The following XPR1 variants were observed in gnomAD, a reference collection of about 807,000 sequenced individuals.
XPR1 encodes the protein solute carrier family 53 member 1.
XPR1 carries 28 observed loss-of-function variants against 87.5 expected under a neutral mutation model. The ratio of observed to expected loss-of-function variants is 0.32; its 90% confidence interval spans 0.24 to 0.44. XPR1 has a LOEUF of 0.44. XPR1 is among the 20% of genes least tolerant of loss of function. The pLI, the probability that XPR1 is intolerant of heterozygous loss-of-function variation, is 1.00. For missense variants in XPR1, 559 were observed against 862.3 expected (o/e 0.65, Z 4.41); for synonymous variants, 300 against 306.1 (o/e 0.98, Z 0.21).
intron 2 of XPR1, among the ~76,000 whole-genome samples, chr1:180,712,837 A>T (rs1412460986): frequency 6.6e-6 from 1 of 152,024 alleles, no homozygotes; most frequent in African/African-American, 2.4e-5. Flanking sequence ...TAAAAATAAA[A>T]AAATAAATCA....
intron 3 of XPR1, among the ~76,000 whole-genome samples, chr1:180,793,212 AG>A (rs1440279318): frequency 6.6e-6 from 1 of 152,142 alleles, no homozygotes; most frequent in African/African-American, 2.4e-5. Flanking sequence ...AAGACCGATT[AG>A]ATAATAGTTA....
chr1:180,646,725 G>A (rs1431719030), intron 1 of XPR1, among the ~76,000 whole-genome samples: 1 of 152,104 alleles, frequency 6.6e-6, no homozygotes, highest in Non-Finnish European at 1.5e-5. Context: ...TGGGCTTACC[G>A]AAACTGTGAC....
intron 4 of XPR1, 31 bp downstream of exon 4, chr1:180,803,642 C>T (rs780680930): frequency 1.2e-5 from 18 of 1,559,032 alleles, no homozygotes; most frequent in South Asian, 4.6e-5. Context: ...GAAAATGGCA[C>T]CTTTAAGTAA....
At chr1:180,781,105 G>A (rs958136303) in intron 2 of XPR1, among the ~76,000 whole-genome samples, 1 of 151,002 alleles carries the variant, frequency 6.6e-6, no homozygotes, top group African/African-American at 2.4e-5. Context: ...CTTAATTTTT[G>A]TATCCGTGTG....
intron 2 of XPR1, among the ~76,000 whole-genome samples, chr1:180,772,828 T>G (rs1648571054): frequency 6.6e-6 from 1 of 152,192 alleles, no homozygotes; most frequent in Admixed American, 6.5e-5. Flanking sequence ...ACCTCTTTCT[T>G]TTGTAAATTG....
intron 2 of XPR1, among the ~76,000 whole-genome samples, chr1:180,708,671 A>C (rs930522035): frequency 6.6e-6 from 1 of 152,058 alleles, no homozygotes; most frequent in African/African-American, 2.4e-5. Context: ...GTGACTCTGC[A>C]TATGACTTTC....
At chr1:180,680,921 C>T (rs970948173) in intron 1 of XPR1, among the ~76,000 whole-genome samples, 8 of 152,116 alleles carry the variant, frequency 5.3e-5, no homozygotes, top group African/African-American at 1.9e-4. Context: ...ATGAATGGAA[C>T]TAGAAGACAT....
At position 180,880,065 on chromosome 1, in the gene XPR1, A is replaced by G. The variant is rs775003966; in HGVS notation, c.1809-11A>G. The G allele has an allele frequency of 6.2e-6, 10 of 1,614,126 alleles. No homozygotes were observed. In the East Asian group the frequency reaches 8.9e-5, roughly 14 times the overall value. ...TTTCATAAGTACTTTGATCTACCCC[A>G]TTTTGCTAAGGCGATTTGTGTGGAA... On this transcript the variant is annotated splice_polypyrimidine_tract_variant and intron_variant, in intron 13 of 14. Coordinates refer to ENST00000367590, the MANE Select transcript of XPR1 (RefSeq NM_004736.4).
intron 2 of XPR1, among the ~76,000 whole-genome samples, chr1:180,682,793 A>T (rs1656621510): frequency 6.6e-6 from 1 of 151,788 alleles, no homozygotes; most frequent in South Asian, 2.1e-4. Flanking sequence ...GGGACCAGTA[A>T]AACAATGGAG....
Position 180,648,186 on chromosome 1 carries a change from C to T in XPR1, c.69+15916C>T, listed in dbSNP as rs79853282. 7.4e-3 allele frequency among the ~76,000 whole-genome samples: 1,128 copies of T among 152,228 alleles called. 12 individuals carry two copies. Among genetic ancestry groups the T allele is most frequent in the Non-Finnish European group, 9.5e-3 (646 of 68,010 alleles). ...AGGACAAATTATTGTAATTCAGTTT[C>T]CTTTCATTGCTGTGTGTATGTATAT... is the stretch of plus-strand genomic sequence containing the variant. On this transcript the variant is annotated intron_variant, in intron 1 of 14. Coordinates refer to ENST00000367590, the MANE Select transcript of XPR1 (RefSeq NM_004736.4).
chr1:180,794,127 G>A (rs1314823387), intron 3 of XPR1, among the ~76,000 whole-genome samples: 4 of 152,120 alleles, frequency 2.6e-5, no homozygotes, highest in African/African-American at 9.7e-5. Flanking sequence ...TTCATTTTGG[G>A]AACATCATGT....
intron 2 of XPR1, among the ~76,000 whole-genome samples, chr1:180,739,568 A>G (rs1352213683): frequency 6.6e-6 from 1 of 152,202 alleles, no homozygotes; most frequent in Non-Finnish European, 1.5e-5. Flanking sequence ...GATTATGGAA[A>G]GTGTCTCCAT....
rs1650167908 is a variant in XPR1, at chr1:180,810,486, G to A, written c.682-921G>A. Among the ~76,000 whole-genome samples, 5 of 151,972 alleles carry A rather than the reference G, an allele frequency of 3.3e-5. No individual in the cohort carries two copies. The South Asian group carries it at 1.0e-3, about 32-fold the overall frequency. On this transcript the variant is annotated intron_variant, in intron 6 of 14. Transcript: ENST00000367590. Reference sequence around the variant, plus strand: ...TCCCAGCTACTCTGGAGGCTGAAGTGGGGAATCACTTGAGTCTGGGAAGTT... The same window carrying A: ...TCCCAGCTACTCTGGAGGCTGAAGTAGGGAATCACTTGAGTCTGGGAAGTT...
intron 1 of XPR1, among the ~76,000 whole-genome samples, chr1:180,637,911 T>A (rs1006460091): frequency 1.3e-5 from 2 of 152,224 alleles, no homozygotes; most frequent in Non-Finnish European, 2.9e-5. Context: ...TGAACTTGAC[T>A]GTAAGTGTAT....
chr1:180,674,375 C>T (rs1245380830), intron 1 of XPR1, among the ~76,000 whole-genome samples: 1 of 152,208 alleles, frequency 6.6e-6, no homozygotes, highest in Non-Finnish European at 1.5e-5. Context: ...TCTCCTGCCT[C>T]AGCCTCCTGA....
intron 2 of XPR1, among the ~76,000 whole-genome samples, chr1:180,762,709 T>C (rs578088156): frequency 1.3e-5 from 2 of 152,350 alleles, no homozygotes; most frequent in East Asian, 3.9e-4. Flanking sequence ...AAGTCTATAA[T>C]GCTAATGAAA....
chr1:180,741,359 T>C (rs1658917583), intron 2 of XPR1, among the ~76,000 whole-genome samples: 1 of 152,000 alleles, frequency 6.6e-6, no homozygotes, highest in Non-Finnish European at 1.5e-5. Flanking sequence ...AGAGATGGGG[T>C]TTCACCATGT....
At chr1:180,817,488 A>G (rs1650453081) in intron 7 of XPR1, among the ~76,000 whole-genome samples, 2 of 152,290 alleles carry the variant, frequency 1.3e-5, no homozygotes, top group South Asian at 2.1e-4. Flanking sequence ...ATCTTTTATA[A>G]TGTATTTTTA....
At position 180,886,339 on chromosome 1, in the gene XPR1, T is replaced by C. The variant is rs1653011181; in HGVS notation, c.*2273T>C. 6.6e-6 allele frequency: 1 copy of C among 152,264 alleles called. No individual in the cohort carries two copies. Among genetic ancestry groups the C allele is most frequent in the Non-Finnish European group, 1.5e-5 (1 of 68,044 alleles). The allele number at this position is 152,264 out of a possible 1,614,324, so 9.4% of individuals were successfully genotyped here. A position where few individuals can be genotyped will look rare whatever the true frequency, so the allele number is the denominator to read the frequency against. Reference sequence around the variant, plus strand: ...ATATAAATAAAATTGGTGGTACTAATGTGTATCCAGAGACATTTGAATTAT... The same window carrying C: ...ATATAAATAAAATTGGTGGTACTAACGTGTATCCAGAGACATTTGAATTAT... On this transcript the variant is annotated 3_prime_UTR_variant, in exon 15 of 15. Coordinates refer to ENST00000367590, the MANE Select transcript of XPR1 (RefSeq NM_004736.4).
Sources: allele counts gnomAD v4.1 joint callset (sites outside exome capture counted in the v4.1 genomes callset), GRCh38; gene constraint gnomAD v4.1.1; transcripts MANE v1.5; gene names NCBI Gene and HGNC (gene_info 2026-07-23, HGNC 2026-07-21).